The following PLAC8 variants were observed in gnomAD, a reference collection of about 807,000 sequenced individuals.
The protein encoded by PLAC8 is placenta associated 8.
PLAC8 carries 6 observed loss-of-function variants against 12.6 expected under a neutral mutation model. That is an observed-to-expected ratio of 0.48 (90% CI 0.26 to 0.94). The LOEUF is 0.94. Among genes scored for constraint, PLAC8 ranks in the 40% least tolerant of loss-of-function variants. The pLI is 0.14. For missense variants in PLAC8, 122 were observed against 152.7 expected (o/e 0.80, Z 1.06); for synonymous variants, 54 against 52.6 (o/e 1.03, Z -0.11).
intron 1 of PLAC8, among the ~76,000 whole-genome samples, chr4:83,114,361 T>C (rs1732485008): frequency 6.6e-6 from 1 of 152,200 alleles, no homozygotes; most frequent in Admixed American, 6.5e-5. Context: ...TTAATGATCA[T>C]GTTACTAAAT....
intron 4 of PLAC8, among the ~76,000 whole-genome samples, chr4:83,092,684 C>T (rs1731832617): frequency 6.6e-6 from 1 of 151,942 alleles, no homozygotes; most frequent in South Asian, 2.1e-4. Flanking sequence ...TATTTTTCTA[C>T]TTATGCCATA....
intron 1 of PLAC8, among the ~76,000 whole-genome samples, chr4:83,113,828 G>A (rs1277939472): frequency 6.6e-6 from 1 of 151,990 alleles, no homozygotes; most frequent in Non-Finnish European, 1.5e-5. Context: ...TGCAGTATTT[G>A]GCTCATATTT....
At chr4:83,096,467 T>A (rs1426863354) in intron 3 of PLAC8, among the ~76,000 whole-genome samples, 1 of 152,224 alleles carries the variant, frequency 6.6e-6, no homozygotes, top group African/African-American at 2.4e-5. Context: ...TTAAAACAAT[T>A]TTAAATGCAT....
At chr4:83,102,237 A>G (rs925256863) in intron 3 of PLAC8, among the ~76,000 whole-genome samples, 1 of 152,194 alleles carries the variant, frequency 6.6e-6, no homozygotes, top group Middle Eastern at 3.2e-3. Context: ...CATTAAGAAC[A>G]TTCATGATTC....
In PLAC8 at chr4:83,094,810, G is replaced by C. The variant is rs752892948; in HGVS notation, c.244-19C>G. ...TAGATCCCTGTTTGAAAACCAAAAA[G>C]AAATAAAAATATAAAATTCACCTAT... is the stretch of plus-strand genomic sequence containing the variant. On this transcript the variant is annotated intron_variant, in intron 3 of 4. Transcript: ENST00000311507. The C allele has an allele frequency of 9.1e-6, 13 of 1,424,566 alleles. No homozygotes were observed. In the South Asian group the frequency reaches 1.8e-4, roughly 19 times the overall value. The allele number at this position is 1,424,566 out of a possible 1,614,324, so 88.2% of individuals were successfully genotyped here. A position where few individuals can be genotyped will look rare whatever the true frequency, so the allele number is the denominator to read the frequency against.
chr4:83,105,791 A>C (rs1578742525), intron 2 of PLAC8, among the ~76,000 whole-genome samples: 1 of 152,316 alleles, frequency 6.6e-6, no homozygotes, highest in East Asian at 1.9e-4. Flanking sequence ...TAATAATACT[A>C]GGGGTGAGAG....
intron 1 of PLAC8, among the ~76,000 whole-genome samples, chr4:83,112,226 A>T (rs1391353421): frequency 1.1e-5 from 1 of 93,598 alleles, no homozygotes; most frequent in African/African-American, 3.8e-5. Context: ...ATGTATATAT[A>T]TATATATATA....
At chr4:83,094,643 C>T (rs780175812) in intron 4 of PLAC8, 35 bp downstream of exon 4, 3 of 1,100,576 alleles carry the variant, frequency 2.7e-6, no homozygotes, top group East Asian at 4.8e-5. Context: ...TCTAAAAACC[C>T]ACATGTTCTG....
At chr4:83,104,494 C>G (rs921251093) in intron 3 of PLAC8, among the ~76,000 whole-genome samples, 1 of 152,158 alleles carries the variant, frequency 6.6e-6, no homozygotes, top group Non-Finnish European at 1.5e-5. Context: ...TCGACTCTTT[C>G]TCTACTATTA....
intron 1 of PLAC8, among the ~76,000 whole-genome samples, chr4:83,109,391 A>G (rs11942054): frequency 0.87 from 131,991 of 152,242 alleles, 57,319 homozygotes; most frequent in East Asian, 1. Flanking sequence ...CACTAAAAGA[A>G]GGAGGCGGAC....
chr4:83,109,320 G>A (rs1239564142), intron 1 of PLAC8, among the ~76,000 whole-genome samples: 1 of 152,188 alleles, frequency 6.6e-6, no homozygotes, highest in Non-Finnish European at 1.5e-5. Flanking sequence ...CATTAAAGTG[G>A]TTTTGGCTTC....
At chr4:83,110,365 A>G (rs1452061175) in intron 1 of PLAC8, among the ~76,000 whole-genome samples, 1 of 151,888 alleles carries the variant, frequency 6.6e-6, no homozygotes, top group Non-Finnish European at 1.5e-5. Flanking sequence ...CATGCCGCCA[A>G]TCTCATGAAA....
rs914080101 is a variant in PLAC8 at position 83,099,847 on chromosome 4, A to T, written c.243+5049T>A. Among the ~76,000 whole-genome samples the T allele has an allele frequency of 7.2e-4, 109 of 151,474 alleles. 1 individual carries two copies. Among genetic ancestry groups the T allele is most frequent in the African/African-American group, 2.5e-3 (105 of 41,344 alleles). On this transcript the variant is annotated intron_variant, in intron 3 of 4. Coordinates refer to ENST00000311507, the MANE Select transcript of PLAC8 (RefSeq NM_016619.3). ...CCCATCTCTACTAAAAATACAAAAA[A>T]AAAAAAAAATTAGATGGGTGTGGTG...
chr4:83,097,492 C>T lies in PLAC8; in HGVS notation c.244-2701G>A, dbSNP rs142602234. Among the ~76,000 whole-genome samples, 1,368 of 152,186 alleles carry T rather than the reference C, an allele frequency of 9.0e-3. 14 individuals carry two copies. Among genetic ancestry groups the T allele is most frequent in the African/African-American group, 0.031 (1,271 of 41,516 alleles). On this transcript the variant is annotated intron_variant, in intron 3 of 4. Transcript: ENST00000311507. ...TCAGATTTGCTAAATGCTTTAAGGT[C>T]AAGCTGTTTCTTTGACTTTTGAAAA...
intron 2 of PLAC8, among the ~76,000 whole-genome samples, chr4:83,105,708 T>A (rs192644706): frequency 6.6e-6 from 1 of 152,336 alleles, no homozygotes; most frequent in East Asian, 1.9e-4. Context: ...TTTGATCAGA[T>A]CTACATTTAA....
intron 1 of PLAC8, among the ~76,000 whole-genome samples, chr4:83,112,216 ATG>A (rs1182856326): frequency 0.07 from 334 of 4,740 alleles, 7 homozygotes; most frequent in African/African-American, 0.098. Flanking sequence ...ATATATATAT[ATG>A]TATATATATA....
intron 1 of PLAC8, among the ~76,000 whole-genome samples, chr4:83,110,807 T>G (rs1732408097): frequency 6.6e-6 from 1 of 152,182 alleles, no homozygotes; most frequent in Non-Finnish European, 1.5e-5. Flanking sequence ...TTCCCACATT[T>G]GAAATCCTGG....
At position 83,094,658 on chromosome 4, in the gene PLAC8, G is replaced by T; in HGVS notation, c.*9+20C>A. 8.2e-7 allele frequency: 1 copy of T among 1,217,342 alleles called. No homozygotes were observed. 75.4% of individuals were successfully genotyped at this position (1,217,342 alleles called of 1,614,324 possible). A position where few individuals can be genotyped will look rare whatever the true frequency, so the allele number is the denominator to read the frequency against. ...TCTAAAAACCCACATGTTCTGAGAG[G>T]CATGTTTGCATTGACTCACCATCAG... On this transcript the variant is annotated intron_variant, in intron 4 of 4. Coordinates refer to ENST00000311507, the MANE Select transcript of PLAC8 (RefSeq NM_016619.3).
In PLAC8 at chr4:83,103,586, C is replaced by A. The variant is rs149885503; in HGVS notation, c.243+1310G>T. The stretch of plus-strand genomic sequence containing the variant: ...AAGTTCTATTGTAGGTAAAATGCTA[C>A]CAAATAGCATAGAAATCTTTCCTTT... On this transcript the variant is annotated intron_variant, in intron 3 of 4. Transcript: ENST00000311507. Among the ~76,000 whole-genome samples, 1,438 of 152,220 alleles carry A rather than the reference C, an allele frequency of 9.4e-3. 11 individuals carry two copies. The highest frequency in any genetic ancestry group is 0.027 in the Middle Eastern group (8 of 294).
Sources: allele counts gnomAD v4.1 joint callset (sites outside exome capture counted in the v4.1 genomes callset), GRCh38; gene constraint gnomAD v4.1.1; transcripts MANE v1.5; gene names NCBI Gene and HGNC (gene_info 2026-07-23, HGNC 2026-07-21).